POLR3G: variants seen among roughly 807,000 people sequenced by gnomAD.
The protein encoded by POLR3G is DNA-directed RNA polymerase III subunit RPC7.
A neutral mutation model predicts 30.1 loss-of-function variants in POLR3G; 28 were observed. The ratio of observed to expected loss-of-function variants is 0.93; its 90% CI spans 0.69 to 1.27. The LOEUF (loss-of-function observed/expected upper bound fraction) is 1.27. Among genes scored for constraint, POLR3G ranks in the 50% most tolerant of loss-of-function variants. The pLI is 0.00. For synonymous variants in POLR3G, 79 were observed against 82.5 expected, an observed-to-expected ratio of 0.96 and a Z score of 0.23; for missense variants, 254 against 264.6, an observed-to-expected ratio of 0.96 and a Z score of 0.28.
At chr5:90,497,579 G>A (rs1323785617) in intron 4 of POLR3G, 77 bp from the exon 5 acceptor site, 3 of 1,489,454 alleles carry the variant, frequency 2.0e-6, no homozygotes, top group Middle Eastern at 1.8e-4. Flanking sequence ...CAACTGTTGT[G>A]TCCTTCAAAT....
intron 5 of POLR3G, 57 bp downstream of exon 5, chr5:90,497,763 G>C: frequency 1.3e-6 from 2 of 1,545,660 alleles, no homozygotes; most frequent in Non-Finnish European, 1.7e-6. Flanking sequence ...CTTACATTCT[G>C]TTAATATGGA....
intron 1 of POLR3G, among the ~76,000 whole-genome samples, chr5:90,482,489 G>C (rs1259165424): frequency 6.6e-6 from 1 of 152,212 alleles, no homozygotes; most frequent in African/African-American, 2.4e-5. Flanking sequence ...GACGATAACA[G>C]ACTTTCCCAA....
At chr5:90,491,963 T>A (rs1370343580) in intron 3 of POLR3G, among the ~76,000 whole-genome samples, 1 of 152,336 alleles carries the variant, frequency 6.6e-6, no homozygotes, top group East Asian at 1.9e-4. Flanking sequence ...CAGAGACTCT[T>A]ATGTTTGTAG....
At chr5:90,499,725 A>T (rs1378312095) in intron 5 of POLR3G, among the ~76,000 whole-genome samples, 2 of 152,310 alleles carry the variant, frequency 1.3e-5, no homozygotes, top group East Asian at 3.9e-4. Flanking sequence ...ATTGACATAC[A>T]ATACAATGCA....
At position 90,506,439 on chromosome 5, in the gene POLR3G, G is replaced by A. The variant is rs1014222161; in HGVS notation, c.439-89G>A. The A allele has an allele frequency of 3.4e-6, 5 of 1,477,218 alleles. No individual in the cohort carries two copies. In the African/African-American group the frequency reaches 7.0e-5, roughly 21 times the overall value. The allele number at this position is 1,477,218 out of a possible 1,614,324, so 91.5% of individuals were successfully genotyped here. The stretch of plus-strand genomic sequence containing the variant: ...TGGTGGTAAGATGGGAGTAGAATAA[G>A]GTGATAGATAACTGTTCCCTTAAGG... On this transcript the variant is annotated intron_variant, in intron 6 of 7. Transcript: ENST00000651687.
At chr5:90,495,173 A>G (rs1335297753) in intron 3 of POLR3G, among the ~76,000 whole-genome samples, 1 of 152,226 alleles carries the variant, frequency 6.6e-6, no homozygotes, top group Non-Finnish European at 1.5e-5. Context: ...AAGAAAAATC[A>G]GTATATATTT....
intron 3 of POLR3G, among the ~76,000 whole-genome samples, chr5:90,489,968 A>G (rs1308795449): frequency 6.6e-6 from 1 of 152,112 alleles, no homozygotes; most frequent in African/African-American, 2.4e-5. Context: ...TTAGCCAGGC[A>G]TGGTGGTGCA....
At chr5:90,504,862 GGGATTGCCAGTT>G (rs918871983) in intron 6 of POLR3G, among the ~76,000 whole-genome samples, 4 of 152,166 alleles carry the variant, frequency 2.6e-5, no homozygotes, top group African/African-American at 9.7e-5. Context: ...CTTTTCCAAA[GGGATTGCCAGTT>G]GGAAAAATTG....
intron 1 of POLR3G, 75 bp from the exon 2 acceptor site, chr5:90,485,450 G>T (rs1013951754): frequency 1.4e-6 from 1 of 706,498 alleles, no homozygotes. Context: ...TACTTAAGGG[G>T]TGCAGTTTTA....
rs757746737 is a variant in POLR3G at position 90,488,075 on chromosome 5, A to C, written c.193A>C (p.Arg65=). The C allele has an allele frequency of 1.2e-5, 19 of 1,612,214 alleles. No homozygotes were observed. The highest frequency in any genetic ancestry group is 1.5e-5 in the Non-Finnish European group (18 of 1,179,144). ...TATGCTGGCTTTGAAACAGGAGTTG[A>C]GAGAAACAATGAAAAGAATGCCTTA... ...EYMLALKQEL[R]ETMKRMPYFI... Residue 65 remains arginine, a synonymous_variant, in exon 3 of 8, where the codon AGA becomes CGA. Transcript: ENST00000651687.
At position 90,512,372 on chromosome 5, in the gene POLR3G, C is replaced by T. The variant is rs1580225934; in HGVS notation, c.*233C>T. ...ACCTCTGCCATCTCTCTTATGTACT[C>T]TCATGGGTTTTTTTGTATGATTTGA... is the stretch of plus-strand genomic sequence containing the variant. On this transcript the variant is annotated 3_prime_UTR_variant, in exon 8 of 8. Transcript: ENST00000651687. 3.8e-5 allele frequency: 15 copies of T among 399,632 alleles called. No individual in the cohort carries two copies. In the South Asian group the frequency reaches 6.8e-4, roughly 18 times the overall value. 24.8% of individuals were successfully genotyped at this position (399,632 alleles called of 1,614,324 possible). A position where few individuals can be genotyped will look rare whatever the true frequency, so the allele number is the denominator to read the frequency against.
rs140872796 is a variant in POLR3G at position 90,501,217 on chromosome 5, A to C, written c.356-689A>C. The stretch of plus-strand genomic sequence containing the variant: ...CATATTTGAAGTACAGACACTTTAC[A>C]TTTTTTGCACATATATATTTAAGGC... On this transcript the variant is annotated intron_variant, in intron 5 of 7. Transcript: ENST00000651687. Among the ~76,000 whole-genome samples, 438 of 152,198 alleles carry C rather than the reference A, an allele frequency of 2.9e-3. 2 individuals carry two copies. Among genetic ancestry groups the C allele is most frequent in the African/African-American group, 0.01 (419 of 41,540 alleles).
chr5:90,475,470 T>C (rs1750752817), intron 1 of POLR3G, among the ~76,000 whole-genome samples: 2 of 47,876 alleles, frequency 4.2e-5, no homozygotes, highest in South Asian at 1.1e-3. Context: ...ATATCCACCC[T>C]TTTTTTAATT....
chr5:90,495,009 A>G (rs1751914682), intron 3 of POLR3G, among the ~76,000 whole-genome samples: 1 of 152,160 alleles, frequency 6.6e-6, no homozygotes, highest in South Asian at 2.1e-4. Flanking sequence ...TTATAGATTA[A>G]AAACTTGGCA....
chr5:90,505,736 A>T (rs1752453165), intron 6 of POLR3G, among the ~76,000 whole-genome samples: 1 of 151,376 alleles, frequency 6.6e-6, no homozygotes, highest in African/African-American at 2.5e-5. Context: ...AGATAAAGAC[A>T]CAGATAAAAT....
chr5:90,511,266 C>T (rs1043707275), intron 7 of POLR3G, among the ~76,000 whole-genome samples: 1 of 152,132 alleles, frequency 6.6e-6, no homozygotes, highest in African/African-American at 2.4e-5. Context: ...ACACCCCATA[C>T]AATGAAATAT....
intron 3 of POLR3G, among the ~76,000 whole-genome samples, chr5:90,493,046 A>G (rs1453598762): frequency 2.0e-5 from 3 of 152,238 alleles, no homozygotes; most frequent in African/African-American, 7.2e-5. Flanking sequence ...GTTAGAACCT[A>G]TTAAAGATGT....
At chr5:90,505,316 G>T (rs530113997) in intron 6 of POLR3G, among the ~76,000 whole-genome samples, 2 of 151,998 alleles carry the variant, frequency 1.3e-5, no homozygotes, top group Non-Finnish European at 2.9e-5. Flanking sequence ...TTAATTATGC[G>T]TATTAATATG....
chr5:90,505,185 C>G lies in POLR3G; in HGVS notation c.439-1343C>G, dbSNP rs573289023. Among the ~76,000 whole-genome samples, 3 of 152,306 alleles carry G rather than the reference C, an allele frequency of 2.0e-5. No individual in the cohort carries two copies. In the East Asian group the frequency reaches 5.8e-4, roughly 29 times the overall value. On this transcript the variant is annotated intron_variant, in intron 6 of 7. Transcript: ENST00000651687. ...ACTCCAGATATAAAATCTGCTTTCTCTCTATATGTAATCTACAAAGCAAAT... is the reference window on the plus strand; with the variant it reads ...ACTCCAGATATAAAATCTGCTTTCTGTCTATATGTAATCTACAAAGCAAAT...
Sources: gnomAD v4.1 joint callset for allele counts (sites outside exome capture counted in the v4.1 genomes callset) on GRCh38, gnomAD v4.1.1 for gene constraint, MANE v1.5 for transcripts, NCBI Gene and HGNC (gene_info 2026-07-23, HGNC 2026-07-21) for gene names.